The following PTGIR variants were observed in gnomAD, a reference collection of about 807,000 sequenced individuals.
PTGIR encodes prostaglandin I2 receptor.
In PTGIR, 16 loss-of-function variants were observed where a neutral mutation model predicts 17.6. The observed-to-expected ratio is 0.91, with a 90% CI of 0.61 to 1.38. The LOEUF is 1.38. Ranked by LOEUF, PTGIR falls within the 40% of genes most tolerant of loss-of-function variation. The pLI is 0.00. For synonymous variants in PTGIR, 274 were observed against 255.4 expected, an observed-to-expected ratio of 1.07 and a Z score of -0.69; for missense variants, 532 against 548.6, an observed-to-expected ratio of 0.97 and a Z score of 0.30.
chr19:46,610,948 A>G, the PTGIR span, among the ~76,000 whole-genome samples: 1 of 152,134 alleles, frequency 6.6e-6, no homozygotes, highest in Non-Finnish European at 1.5e-5. Flanking sequence ...CCTCTGAACC[A>G]CAGTTCTGAT....
At chr19:46,610,997 T>C in the PTGIR span, among the ~76,000 whole-genome samples, 6 of 152,254 alleles carry the variant, frequency 3.9e-5, no homozygotes, top group East Asian at 7.7e-4. Flanking sequence ...CAGGGTCCTG[T>C]CCTAGAGATA....
chr19:46,610,829 A>G, the PTGIR span: 1 of 152,646 alleles, frequency 6.6e-6, no homozygotes, highest in African/African-American at 2.4e-5. Context: ...CCCCCCTCCA[A>G]CACACATACA....
At chr19:46,624,272 C>T (rs930089719) in intron 1 of PTGIR, 35 bp from the exon 2 acceptor site, 20 of 1,409,976 alleles carry the variant, frequency 1.4e-5, no homozygotes, top group Admixed American at 3.1e-5. Context: ...TCAGAGGGAG[C>T]CAGGGCTACC....
At chr19:46,617,567 C>T (rs1183713583), downstream of PTGIR, among the ~76,000 whole-genome samples, 1 of 152,132 alleles carries the variant, frequency 6.6e-6, no homozygotes, top group Admixed American at 6.6e-5. Flanking sequence ...GAGAGCAGCA[C>T]CCACCGCAGG....
At position 46,621,889 on chromosome 19, in the gene PTGIR, C is replaced by T. The variant is rs2052732458; in HGVS notation, c.769-217G>A. ...ATGCCTAAGGGGAGAGGGATGGGGGCCAGGTATGTGGGTCCCCCCACCCTT... is the reference window on the plus strand; with the variant it reads ...ATGCCTAAGGGGAGAGGGATGGGGGTCAGGTATGTGGGTCCCCCCACCCTT... On this transcript the variant is annotated intron_variant, in intron 2 of 2. Transcript: ENST00000291294. The surrounding 1 kb of genome is among the most constrained non-coding windows in gnomAD (Gnocchi z 4.8). The T allele has an allele frequency of 3.7e-6, 5 of 1,339,662 alleles. No individual in the cohort carries two copies. Among genetic ancestry groups the T allele is most frequent in the Non-Finnish European group, 4.8e-6 (5 of 1,048,378 alleles). The allele number at this position is 1,339,662 out of a possible 1,614,324, so 83.0% of individuals were successfully genotyped here.
the PTGIR span, among the ~76,000 whole-genome samples, chr19:46,611,748 G>C: frequency 6.6e-6 from 1 of 152,152 alleles, no homozygotes; most frequent in Non-Finnish European, 1.5e-5. Flanking sequence ...CATTCCAGTG[G>C]GGCTATAGTG....
rs569541711 is a variant in PTGIR, at chr19:46,620,804, T to C, written c.*476A>G. The C allele has an allele frequency of 4.1e-6, 4 of 986,558 alleles. No individual in the cohort carries two copies. The East Asian group carries it at 3.4e-4, about 84-fold the overall frequency. The allele number at this position is 986,558 out of a possible 1,614,324, so 61.1% of individuals were successfully genotyped here. A position where few individuals can be genotyped will look rare whatever the true frequency, so the allele number is the denominator to read the frequency against. On this transcript the variant is annotated 3_prime_UTR_variant, in exon 3 of 3. Transcript: ENST00000291294. Reference sequence around the variant, plus strand: ...AAGGGAAGGCAGGGAGCTTTTCCAATAACTGTGGTTTTTGTGGAGCAGAAA... The same window carrying C: ...AAGGGAAGGCAGGGAGCTTTTCCAACAACTGTGGTTTTTGTGGAGCAGAAA...
the PTGIR span, among the ~76,000 whole-genome samples, chr19:46,612,271 T>G: frequency 4.7e-4 from 72 of 152,320 alleles, no homozygotes; most frequent in African/African-American, 1.5e-3. Flanking sequence ...TGGACCTCAA[T>G]GACCCTGTCC....
At chr19:46,611,512 T>TTGCAAACCACACAAGGCAGAG in the PTGIR span, among the ~76,000 whole-genome samples, 1 of 152,168 alleles carries the variant, frequency 6.6e-6, no homozygotes, top group African/African-American at 2.4e-5. Context: ...CCCAAAACAA[T>TTGCAAACCACACAAGGCAGAG]TGCAAACCAC....
downstream of PTGIR, among the ~76,000 whole-genome samples, chr19:46,619,595 A>G (rs370192173): frequency 0.06 from 6,239 of 104,772 alleles, 374 homozygotes; most frequent in South Asian, 0.07. Flanking sequence ...AAGAAAGAAA[A>G]GAAAGAAAGG....
In PTGIR at chr19:46,624,039, C is replaced by A; in HGVS notation, c.187G>T (p.Gly63Cys). The change falls in exon 2 of 3, where the codon GGC becomes TGC. Residue 63 changes from glycine (G) to cysteine (C), a missense_variant. Physicochemically the swap from Gly to Cys is radical, Grantham distance 159 (BLOSUM62 -3). Coordinates refer to ENST00000291294, the MANE Select transcript of PTGIR (RefSeq NM_000960.4). ...VTGLAATDLL[G>C]TSFLSPAVFV... Reference sequence around the variant, plus strand: ...ACGGCCGGGCTCAGGAAGCTGGTGCCCAGCAGGTCGGTGGCCGCCAGTCCG... The same window carrying A: ...ACGGCCGGGCTCAGGAAGCTGGTGCACAGCAGGTCGGTGGCCGCCAGTCCG... 1 of 1,538,980 alleles carries A rather than the reference C, an allele frequency of 6.5e-7. No homozygotes were observed.
the PTGIR span, chr19:46,614,556 C>T: frequency 5.0e-6 from 2 of 397,384 alleles, no homozygotes; most frequent in Non-Finnish European, 6.8e-6. Flanking sequence ...TCTGTGTCTG[C>T]TGGTTTGAGC....
At chr19:46,619,662 G>GAAAGA (rs1972030563), downstream of PTGIR, among the ~76,000 whole-genome samples, 2 of 128,542 alleles carry the variant, frequency 1.6e-5, no homozygotes, top group Non-Finnish European at 3.4e-5. Context: ...AGAAAAGAAA[G>GAAAGA]AAAGAAAGAA....
rs1420938646 is a variant in PTGIR, at chr19:46,624,057, C to T, written c.169G>A (p.Ala57Thr). The change falls in exon 2 of 3, where the codon GCG becomes ACG. Residue 57 changes from alanine to threonine, a missense_variant. Ala to Thr is a moderately conservative substitution (Grantham distance 58). Coordinates refer to ENST00000291294, the MANE Select transcript of PTGIR (RefSeq NM_000960.4). ...SAFAVLVTGLAATDLLGTSFL... is the reference protein window; with the variant it reads ...SAFAVLVTGLTATDLLGTSFL... ...CTGGTGCCCAGCAGGTCGGTGGCCG[C>T]CAGTCCGGTCACCAGCACCGCGAAG... 6.5e-7 allele frequency: 1 copy of T among 1,538,358 alleles called. No individual in the cohort carries two copies. Among genetic ancestry groups the T allele is most frequent in the Non-Finnish European group, 8.7e-7 (1 of 1,144,756 alleles).
At chr19:46,619,537 GAAAGAAAGAAAGAGAGAGAGAGAGAGA>G (rs1972013942), downstream of PTGIR, among the ~76,000 whole-genome samples, 1 of 58,102 alleles carries the variant, frequency 1.7e-5, no homozygotes, top group African/African-American at 7.0e-5. Flanking sequence ...AAGAAAGAAA[GAAAGAAAGAAAGAGAGAGAGAGAGAGA>G]GAGAGAGAGA....
the PTGIR span, chr19:46,614,380 C>G: frequency 0.18 from 172,855 of 984,378 alleles, 16,912 homozygotes; most frequent in African/African-American, 0.34. Context: ...CTGTGTGCGC[C>G]GGTGTTTAAG....
At position 46,623,828 on chromosome 19, in the gene PTGIR, G is replaced by T; in HGVS notation, c.398C>A (p.Pro133His). 6.2e-7 allele frequency: 1 copy of T among 1,607,600 alleles called. No homozygotes were observed. Among genetic ancestry groups the T allele is most frequent in the Non-Finnish European group, 8.5e-7 (1 of 1,178,300 alleles). The part of the protein sequence containing the change: ...HPYLYAQLDG[P>H]RCARLALPAI... Reference sequence around the variant, plus strand: ...TGGCAGCGCCAGGCGGGCGCAGCGGGGCCCGTCCAGCTGCGCGTAGAGGTA... The same window carrying T: ...TGGCAGCGCCAGGCGGGCGCAGCGGTGCCCGTCCAGCTGCGCGTAGAGGTA... Residue 133 changes from proline (P) to histidine (H), a missense_variant, in exon 2 of 3, where the codon CCC becomes CAC. Coordinates refer to ENST00000291294, the MANE Select transcript of PTGIR (RefSeq NM_000960.4).
chr19:46,620,112 T>A (rs1211660839), downstream of PTGIR, among the ~76,000 whole-genome samples: 2 of 151,974 alleles, frequency 1.3e-5, no homozygotes, highest in African/African-American at 2.4e-5. Flanking sequence ...AGGTTGAGGG[T>A]TTTTTTGGGT....
downstream of PTGIR, among the ~76,000 whole-genome samples, chr19:46,619,938 A>C: frequency 6.6e-6 from 1 of 151,432 alleles, no homozygotes; most frequent in East Asian, 1.9e-4. Flanking sequence ...TCATCAGCTC[A>C]CTCCTGAGCA....
Sources: gnomAD v4.1 joint callset for allele counts (sites outside exome capture counted in the v4.1 genomes callset) on GRCh38, gnomAD v4.1.1 for gene constraint, Gnocchi (gnomAD v3.1) non-coding constraint, MANE v1.5 for transcripts, NCBI Gene and HGNC (gene_info 2026-07-23, HGNC 2026-07-21) for gene names.